The following STAG2 variants were observed in gnomAD, a reference collection of about 807,000 sequenced individuals.
STAG2 encodes STAG2 cohesin complex component.
STAG2 carries 14 observed loss-of-function variants against 108.1 expected under a neutral mutation model. The observed-to-expected ratio is 0.13, with a 90% CI of 0.09 to 0.20. STAG2 has a LOEUF of 0.20. Among genes scored for constraint, STAG2 ranks in the 10% least tolerant of loss-of-function variants. STAG2 has a pLI of 1.00. For synonymous variants in STAG2, 307 were observed against 302.7 expected, an observed-to-expected ratio of 1.01 and a Z score of -0.15; for missense variants, 440 against 940.9, an observed-to-expected ratio of 0.47 and a Z score of 6.96.
At chrX:123,977,979 A>G (rs1439263580) in intron 1 of STAG2, among the ~76,000 whole-genome samples, 3 of 105,925 alleles carry the variant, frequency 2.8e-5, no homozygotes, top group Non-Finnish European at 5.8e-5. Context: ...AGTAACTGGG[A>G]CTACAGGTGC....
At position 124,068,567 on chromosome X, in the gene STAG2, G is replaced by T. The variant is rs745525022; in HGVS notation, c.2269G>T (p.Asp757Tyr). The T allele has an allele frequency of 3.9e-5, 46 of 1,178,097 alleles. No homozygotes were observed. The highest frequency in any genetic ancestry group is 5.2e-5 in the Admixed American group (2 of 38,243). ...KITESSSTKE[D>Y]LLRLKKQMRV... ...GTTAATGTTAAATTTTTTCAAGGAGGACTTGCTGCGTTTAAAGAAACAAAT... is the reference window on the plus strand; with the variant it reads ...GTTAATGTTAAATTTTTTCAAGGAGTACTTGCTGCGTTTAAAGAAACAAAT... Residue 757 changes from aspartate (D) to tyrosine (Y), a missense_variant, in exon 24 of 35, where the codon GAC becomes TAC. By Grantham distance (160) the Asp-to-Tyr change is radical. Transcript: ENST00000371145.
chrX:124,083,205 T>TG (rs1569520172), intron 28 of STAG2, among the ~76,000 whole-genome samples: 2 of 79,025 alleles, frequency 2.5e-5, no homozygotes, highest in African/African-American at 3.7e-5. Context: ...TGTGTGTGTG[T>TG]TTGTGTGTGT....
At chrX:124,064,755 T>C (rs952485511) in intron 20 of STAG2, among the ~76,000 whole-genome samples, 2 of 111,500 alleles carry the variant, frequency 1.8e-5, no homozygotes, top group African/African-American at 6.6e-5. Context: ...GGTTTTGATA[T>C]TATAAAACTT....
In STAG2 at chrX:124,083,193, CGTGTGTGTGTGTTTGT is replaced by C. The variant is rs754735420; in HGVS notation, c.2925-215_2925-200del. On this transcript the variant is annotated intron_variant, in intron 28 of 34. Coordinates refer to ENST00000371145, the MANE Select transcript of STAG2 (RefSeq NM_001042750.2). ...CATATTCAGACTGAAAGCTAAGTGG[CGTGTGTGTGTGTTTGT>C]GTGTGTGTGTGTGTATTGTTTTAAA... 1.4e-3 allele frequency among the ~76,000 whole-genome samples: 111 copies of C among 81,836 alleles called. 1 individual carries two copies. The highest frequency in any genetic ancestry group is 3.5e-3 in the African/African-American group (96 of 27,374). 71.1% of individuals were successfully genotyped at this position (81,836 alleles called of 115,157 possible).
At chrX:123,960,844 C>T (rs2053816691), upstream of STAG2, 1 of 109,914 alleles carries the variant, frequency 9.1e-6, no homozygotes, top group African/African-American at 3.3e-5. Context: ...TCGTTGCTGC[C>T]TCTGTGTACG....
intron 17 of STAG2, among the ~76,000 whole-genome samples, chrX:124,062,690 A>T (rs942562012): frequency 5.4e-5 from 6 of 110,628 alleles, no homozygotes; most frequent in African/African-American, 2.0e-4. Context: ...GACTATCCAA[A>T]TTTTTTTTTG....
At chrX:124,074,389 A>G (rs2058749475) in intron 25 of STAG2, among the ~76,000 whole-genome samples, 1 of 112,922 alleles carries the variant, frequency 8.9e-6, no homozygotes, top group African/African-American at 3.2e-5. Context: ...AAATAGCGTT[A>G]CAACAAATAT....
At chrX:124,019,683 C>T (rs1024654866) in intron 1 of STAG2, among the ~76,000 whole-genome samples, 1 of 111,471 alleles carries the variant, frequency 9.0e-6, no homozygotes, top group Non-Finnish European at 1.9e-5. Context: ...CGCCTGTAAT[C>T]TCAGCACTTT....
At chrX:124,006,719 G>A (rs914356133) in intron 1 of STAG2, among the ~76,000 whole-genome samples, 32 of 111,371 alleles carry the variant, frequency 2.9e-4, no homozygotes, top group African/African-American at 8.5e-4. Flanking sequence ...GATTACAGGC[G>A]TGAGCCACCG....
rs1172322873 is a variant in STAG2, at chrX:124,061,767, T to A, written c.1535-4T>A. The A allele has an allele frequency of 2.1e-6, 2 of 975,472 alleles. No homozygotes were observed. The highest frequency in any genetic ancestry group is 2.8e-6 in the Non-Finnish European group (2 of 727,162). The allele number at this position is 975,472 out of a possible 1,213,427, so 80.4% of individuals were successfully genotyped here. ...ACTTTTTTTTTTTTTTTTTTTTTTT[T>A]TAGCACTAACAGATAGGCAAGAGAG... On this transcript the variant is annotated splice_region_variant and splice_polypyrimidine_tract_variant and intron_variant, in intron 16 of 34. Transcript: ENST00000371145.
At chrX:124,033,219 C>T (rs2057400794) in intron 5 of STAG2, among the ~76,000 whole-genome samples, 1 of 112,064 alleles carries the variant, frequency 8.9e-6, no homozygotes, top group Admixed American at 9.5e-5. Flanking sequence ...TATTATATTG[C>T]TGTACTATGG....
intron 1 of STAG2, among the ~76,000 whole-genome samples, chrX:123,969,898 C>A (rs1298090422): frequency 9.3e-6 from 1 of 107,755 alleles, no homozygotes; most frequent in East Asian, 2.9e-4. Context: ...TCACCCATCT[C>A]CACCCCACAA....
At chrX:124,067,812 A>T (rs1256408302) in intron 23 of STAG2, among the ~76,000 whole-genome samples, 3 of 111,525 alleles carry the variant, frequency 2.7e-5, no homozygotes, top group Non-Finnish European at 5.7e-5. Context: ...AAGGCCACTC[A>T]CTTGAAGTCA....
At chrX:124,090,308 G>A (rs1454466696) in intron 30 of STAG2, among the ~76,000 whole-genome samples, 1 of 109,550 alleles carries the variant, frequency 9.1e-6, no homozygotes, top group Non-Finnish European at 1.9e-5. Flanking sequence ...TGGATAGCTG[G>A]CTCTGACCCC....
chrX:123,966,368 A>G (rs1364993751), intron 1 of STAG2, among the ~76,000 whole-genome samples: 1 of 109,836 alleles, frequency 9.1e-6, no homozygotes, highest in African/African-American at 3.3e-5. Flanking sequence ...AGGCTGAGGC[A>G]GGAGAATCGC....
chrX:123,964,592 T>G (rs2054009599), intron 1 of STAG2, among the ~76,000 whole-genome samples: 1 of 111,086 alleles, frequency 9.0e-6, no homozygotes, highest in African/African-American at 3.3e-5. Context: ...TTTCAGAATT[T>G]GGTGTTTAAT....
chrX:124,027,873 C>A (rs925224192), intron 4 of STAG2, among the ~76,000 whole-genome samples: 1 of 111,024 alleles, frequency 9.0e-6, no homozygotes, highest in Non-Finnish European at 1.9e-5. Context: ...AGGTTGTACA[C>A]AGGTTAGCGT....
chrX:124,092,611 T>C (rs1011629785), intron 32 of STAG2, among the ~76,000 whole-genome samples: 3 of 112,649 alleles, frequency 2.7e-5, no homozygotes, highest in Admixed American at 1.9e-4. Flanking sequence ...TACCAAAGGA[T>C]TCTTTGGTGG....
chrX:124,089,618 C>T (rs1470096895), intron 30 of STAG2, among the ~76,000 whole-genome samples: 4 of 111,077 alleles, frequency 3.6e-5, no homozygotes, highest in African/African-American at 1.3e-4. Context: ...TTTAAGTTCA[C>T]TCCCCACACT....
Sources: allele counts gnomAD v4.1 joint callset (sites outside exome capture counted in the v4.1 genomes callset), GRCh38; gene constraint gnomAD v4.1.1; transcripts MANE v1.5; gene names NCBI Gene and HGNC (gene_info 2026-07-23, HGNC 2026-07-21).